The following TMEM45A variants were observed in gnomAD, a reference collection of about 807,000 sequenced individuals.
The protein encoded by TMEM45A is DNA polymerase-transactivated protein 4.
TMEM45A carries 25 observed loss-of-function variants against 32.0 expected under a neutral mutation model. The observed-to-expected ratio is 0.78, with a 90% CI of 0.57 to 1.09. The LOEUF (loss-of-function observed/expected upper bound fraction) is 1.09, where lower values mean the gene tolerates loss of function less well. TMEM45A is among the 50% of genes least tolerant of loss of function. TMEM45A has a pLI of 0.00. For missense variants in TMEM45A, 302 were observed against 325.0 expected (o/e 0.93, Z 0.54); for synonymous variants, 122 against 114.8 (o/e 1.06, Z -0.40).
At chr3:100,575,411 C>T (rs77019011) in intron 5 of TMEM45A, among the ~76,000 whole-genome samples, 6,390 of 130,284 alleles carry the variant, frequency 0.049, 367 homozygotes, top group East Asian at 0.28. Flanking sequence ...CTTGCTCTGT[C>T]GCCCAGGCTG....
In TMEM45A at chr3:100,556,744, A is replaced by AT; in HGVS notation, c.191-15dup. 1 of 1,605,188 alleles carries AT rather than the reference A, an allele frequency of 6.2e-7. No homozygotes were observed. Among genetic ancestry groups the AT allele is most frequent in the Non-Finnish European group, 8.5e-7 (1 of 1,174,634 alleles). On this transcript the variant is annotated splice_polypyrimidine_tract_variant and intron_variant, in intron 2 of 5. Transcript: ENST00000323523. Reference sequence around the variant, plus strand: ...GTAAAGCAGAGTTGCTAAAACTGTGATATGTTTCTTGGCAGGCATGGCTGG... The same window carrying AT: ...GTAAAGCAGAGTTGCTAAAACTGTGATTATGTTTCTTGGCAGGCATGGCTGG...
chr3:100,560,767 C>T (rs1239989341), intron 4 of TMEM45A, among the ~76,000 whole-genome samples: 4 of 152,020 alleles, frequency 2.6e-5, no homozygotes, highest in African/African-American at 4.8e-5. Context: ...CCCAAGAGAG[C>T]GGAATTATAA....
At chr3:100,517,454 G>A (rs1708282796) in intron 1 of TMEM45A, among the ~76,000 whole-genome samples, 1 of 152,230 alleles carries the variant, frequency 6.6e-6, no homozygotes, top group African/African-American at 2.4e-5. Flanking sequence ...AAAAGCCACA[G>A]GCTTGAAGTG....
intron 1 of TMEM45A, among the ~76,000 whole-genome samples, 192 bp downstream of exon 1, chr3:100,493,120 CTTTTTTTTTT>C (rs570241165): frequency 8.6e-6 from 1 of 115,912 alleles, no homozygotes; most frequent in Non-Finnish European, 1.8e-5. Context: ...GTTTGCTATT[CTTTTTTTTTT>C]TTTTTTTTTT....
At chr3:100,510,676 AGCTACGGGAGGACAT>A (rs1403320316) in intron 1 of TMEM45A, among the ~76,000 whole-genome samples, 8 of 152,264 alleles carry the variant, frequency 5.3e-5, no homozygotes, top group Non-Finnish European at 4.4e-5. Context: ...AATTACTCTG[AGCTACGGGAGGACAT>A]TCAAACCAAA....
At chr3:100,527,024 G>A (rs1705557434) in intron 1 of TMEM45A, among the ~76,000 whole-genome samples, 2 of 152,094 alleles carry the variant, frequency 1.3e-5, no homozygotes, top group African/African-American at 4.8e-5. Context: ...ATACATAAAT[G>A]TAATTTAAAA....
chr3:100,540,508 G>A lies in TMEM45A; in HGVS notation c.-3-14701G>A, dbSNP rs116277914. Among the ~76,000 whole-genome samples the A allele has an allele frequency of 3.7e-3, 560 of 152,258 alleles. 5 individuals carry two copies. The highest frequency in any genetic ancestry group is 0.012 in the African/African-American group (491 of 41,554). ...GTGAGATACTACTATACACCTATCA[G>A]GAACGCTAAAATCCAAAATACTGAC... On this transcript the variant is annotated intron_variant, in intron 1 of 5. Transcript: ENST00000323523.
At chr3:100,539,755 C>A (rs561996921) in intron 1 of TMEM45A, among the ~76,000 whole-genome samples, 2 of 152,186 alleles carry the variant, frequency 1.3e-5, no homozygotes, top group South Asian at 4.2e-4. Flanking sequence ...TGATGCCCAC[C>A]CAGGCAATCT....
chr3:100,503,631 T>G (rs751242517), intron 1 of TMEM45A, among the ~76,000 whole-genome samples: 29 of 152,246 alleles, frequency 1.9e-4, no homozygotes, highest in Admixed American at 1.3e-4. Context: ...TGTAAGATAC[T>G]TTGCAGAAGT....
At chr3:100,518,215 C>G (rs926240584) in intron 1 of TMEM45A, among the ~76,000 whole-genome samples, 4 of 152,176 alleles carry the variant, frequency 2.6e-5, no homozygotes, top group African/African-American at 9.7e-5. Context: ...GGTTCTGCCT[C>G]TATGCTTTCA....
chr3:100,507,335 T>G (rs1708092116), intron 1 of TMEM45A, among the ~76,000 whole-genome samples: 1 of 152,198 alleles, frequency 6.6e-6, no homozygotes, highest in Non-Finnish European at 1.5e-5. Flanking sequence ...TTTACAAATC[T>G]TTTGGCTGCT....
At chr3:100,522,716 T>C (rs1228114896) in intron 1 of TMEM45A, among the ~76,000 whole-genome samples, 1 of 152,150 alleles carries the variant, frequency 6.6e-6, no homozygotes, top group Non-Finnish European at 1.5e-5. Flanking sequence ...TTAGGGAAAT[T>C]TGTGTTTCCC....
intron 1 of TMEM45A, among the ~76,000 whole-genome samples, chr3:100,543,795 C>T (rs531038778): frequency 1.3e-5 from 2 of 152,060 alleles, no homozygotes; most frequent in Non-Finnish European, 1.5e-5. Flanking sequence ...TATTTGAAAA[C>T]TTTATTTATG....
rs1486132129 is a variant in TMEM45A, at chr3:100,517,722, A to T, written c.-4+24794A>T. On this transcript the variant is annotated intron_variant, in intron 1 of 5. Transcript: ENST00000323523. The stretch of plus-strand genomic sequence containing the variant: ...ACTCTGAGTCTGTGGTGAATAAAAA[A>T]GTGAGGATAAATGTGAATGAATATT... Among the ~76,000 whole-genome samples the T allele has an allele frequency of 6.6e-5, 10 of 152,250 alleles. 1 individual carries two copies. Among genetic ancestry groups the T allele is most frequent in the South Asian group, 6.2e-4 (3 of 4,824 alleles).
intron 1 of TMEM45A, among the ~76,000 whole-genome samples, chr3:100,493,665 G>T (rs954419883): frequency 2.0e-5 from 3 of 151,740 alleles, no homozygotes; most frequent in Non-Finnish European, 4.4e-5. Flanking sequence ...ATGCTATATG[G>T]TGTATATGCT....
At chr3:100,559,156 T>A (rs552721625) in intron 4 of TMEM45A, among the ~76,000 whole-genome samples, 1 of 152,356 alleles carries the variant, frequency 6.6e-6, no homozygotes, top group African/African-American at 2.4e-5. Flanking sequence ...AGCTGTTAAC[T>A]CTTTAACCTT....
intron 4 of TMEM45A, among the ~76,000 whole-genome samples, chr3:100,563,080 A>G (rs1227932672): frequency 6.6e-6 from 1 of 152,200 alleles, no homozygotes; most frequent in African/African-American, 2.4e-5. Flanking sequence ...AGGTGTTGGC[A>G]GGGTTGGTTT....
intron 1 of TMEM45A, among the ~76,000 whole-genome samples, chr3:100,527,602 A>C (rs1398815591): frequency 6.6e-6 from 1 of 152,200 alleles, no homozygotes; most frequent in Non-Finnish European, 1.5e-5. Context: ...TTAACATCTG[A>C]AGATTTCCAG....
At position 100,492,814 on chromosome 3, in the gene TMEM45A, C is replaced by T. The variant is rs538566321; in HGVS notation, c.-118C>T. On this transcript the variant is annotated 5_prime_UTR_variant, in exon 1 of 6. Coordinates refer to ENST00000323523, the MANE Select transcript of TMEM45A (RefSeq NM_018004.3). ...CCCATCCAACACACGGTTTAATTTT[C>T]ATGGGGCTCTGGGATCAAAAGAACA... 7 of 147,332 alleles carry T rather than the reference C, an allele frequency of 4.8e-5. No homozygotes were observed. The South Asian group carries it at 1.5e-3, about 31-fold the overall frequency. 9.1% of individuals were successfully genotyped at this position (147,332 alleles called of 1,614,324 possible).
Sources: gnomAD v4.1 joint callset for allele counts (sites outside exome capture counted in the v4.1 genomes callset) on GRCh38, gnomAD v4.1.1 for gene constraint, MANE v1.5 for transcripts, NCBI Gene and HGNC (gene_info 2026-07-23, HGNC 2026-07-21) for gene names.